Variants in PLCL2 observed in about 807,000 individuals in gnomAD.
PLCL2 encodes inactive phospholipase C-like protein 2.
PLCL2 carries 4 observed loss-of-function variants against 79.6 expected under a neutral mutation model. That is an observed-to-expected ratio of 0.05 (90% CI 0.02 to 0.11). PLCL2 has a LOEUF of 0.11. Among genes scored for constraint, PLCL2 ranks in the 10% least tolerant of loss-of-function variants. The pLI, the probability that PLCL2 is intolerant of heterozygous loss-of-function variation, is 1.00. For synonymous variants in PLCL2, 484 were observed against 457.7 expected (o/e 1.06, Z -0.73); for missense variants, 895 against 1,291.0 (o/e 0.69, Z 4.70).
chr3:17,057,139 A>T (rs950666994), intron 4 of PLCL2, among the ~76,000 whole-genome samples: 2 of 152,156 alleles, frequency 1.3e-5, no homozygotes, highest in African/African-American at 4.8e-5. Context: ...ACATTTACTA[A>T]AGCCTAATTC....
chr3:16,885,014 T>G lies in PLCL2; in HGVS notation c.-26T>G. 2 of 292,504 alleles carry G rather than the reference T, an allele frequency of 6.8e-6. No individual in the cohort carries two copies. Among genetic ancestry groups the G allele is most frequent in the Non-Finnish European group, 6.3e-6 (1 of 159,630 alleles). 18.1% of individuals were successfully genotyped at this position (292,504 alleles called of 1,614,324 possible). Reference sequence around the variant, plus strand: ...GACGCGGGGACGCGAGGACGCGGCTTTGTGCAGGCGGGTCGCGGGGCGCCC... The same window carrying G: ...GACGCGGGGACGCGAGGACGCGGCTGTGTGCAGGCGGGTCGCGGGGCGCCC... On this transcript the variant is annotated 5_prime_UTR_variant, in exon 1 of 6. Coordinates refer to ENST00000615277, the MANE Select transcript of PLCL2 (RefSeq NM_001144382.2).
intron 3 of PLCL2, among the ~76,000 whole-genome samples, chr3:17,019,425 A>T (rs1430185144): frequency 6.6e-6 from 1 of 152,232 alleles, no homozygotes; most frequent in East Asian, 1.9e-4. Context: ...GTAGCACAAC[A>T]AATTAATGGC....
intron 1 of PLCL2, among the ~76,000 whole-genome samples, chr3:16,990,416 C>T (rs1227817318): frequency 2.0e-5 from 3 of 152,122 alleles, no homozygotes; most frequent in Admixed American, 6.5e-5. Flanking sequence ...AGAGGCCCTG[C>T]GGAAGCATTA....
chr3:16,971,957 A>G (rs969612663), intron 1 of PLCL2, among the ~76,000 whole-genome samples: 34 of 152,142 alleles, frequency 2.2e-4, no homozygotes, highest in Non-Finnish European at 3.8e-4. Flanking sequence ...GATGCAGAAA[A>G]GGCCTTTGAC....
At chr3:16,965,159 C>T (rs978830203) in intron 1 of PLCL2, among the ~76,000 whole-genome samples, 2 of 152,176 alleles carry the variant, frequency 1.3e-5, no homozygotes, top group African/African-American at 4.8e-5. Context: ...TTTGGTCTAA[C>T]ATTTAAGTCT....
intron 1 of PLCL2, among the ~76,000 whole-genome samples, chr3:16,998,968 G>A (rs1300675356): frequency 6.6e-6 from 1 of 152,172 alleles, no homozygotes; most frequent in Non-Finnish European, 1.5e-5. Context: ...AGTGTGAAAT[G>A]GAATCATCTG....
intron 1 of PLCL2, among the ~76,000 whole-genome samples, chr3:17,006,716 A>G (rs1206213982): frequency 1.3e-5 from 2 of 152,184 alleles, no homozygotes; most frequent in African/African-American, 4.8e-5. Flanking sequence ...TGTGTCTGCA[A>G]TTGATAACCA....
chr3:17,062,322 A>T (rs771076000), intron 4 of PLCL2, among the ~76,000 whole-genome samples: 1 of 152,248 alleles, frequency 6.6e-6, no homozygotes, highest in Non-Finnish European at 1.5e-5. Flanking sequence ...AACACACTGT[A>T]TATTCTGACT....
At chr3:16,979,927 A>C (rs1323428172) in intron 1 of PLCL2, among the ~76,000 whole-genome samples, 2 of 145,156 alleles carry the variant, frequency 1.4e-5, no homozygotes, top group Admixed American at 1.4e-4. Flanking sequence ...GGCAGAGGCG[A>C]CCCTCACCTC....
intron 1 of PLCL2, among the ~76,000 whole-genome samples, chr3:16,927,434 TGTTA>T (rs771748461): frequency 3.5e-4 from 54 of 152,212 alleles, no homozygotes; most frequent in Non-Finnish European, 7.2e-4. Context: ...AAACCTTTTT[TGTTA>T]GTTTAAAAGG....
At chr3:16,961,459 T>A (rs1464663976) in intron 1 of PLCL2, among the ~76,000 whole-genome samples, 2 of 152,194 alleles carry the variant, frequency 1.3e-5, no homozygotes, top group African/African-American at 4.8e-5. Flanking sequence ...GGAAACTTTA[T>A]CTGAATGTTT....
intron 3 of PLCL2, among the ~76,000 whole-genome samples, chr3:17,041,066 A>T (rs1218482310): frequency 6.6e-6 from 1 of 152,140 alleles, no homozygotes; most frequent in Non-Finnish European, 1.5e-5. Flanking sequence ...AAGCTGAAAA[A>T]GGTTACTGAT....
At chr3:17,031,775 G>A (rs1396721084) in intron 3 of PLCL2, among the ~76,000 whole-genome samples, 1 of 152,110 alleles carries the variant, frequency 6.6e-6, no homozygotes, top group African/African-American at 2.4e-5. Context: ...TCATTTAAAT[G>A]CATGTGCATG....
At chr3:16,998,162 C>A (rs1340980956) in intron 1 of PLCL2, among the ~76,000 whole-genome samples, 1 of 151,018 alleles carries the variant, frequency 6.6e-6, no homozygotes, top group Non-Finnish European at 1.5e-5. Context: ...CAACCCCAAG[C>A]AGTGCCAGAG....
At chr3:17,039,039 T>C (rs889698673) in intron 3 of PLCL2, among the ~76,000 whole-genome samples, 3 of 152,224 alleles carry the variant, frequency 2.0e-5, no homozygotes, top group Admixed American at 2.0e-4. Context: ...TCATAATTAC[T>C]CACCTCACAT....
chr3:16,993,158 C>T (rs1231097723), intron 1 of PLCL2, among the ~76,000 whole-genome samples: 2 of 152,220 alleles, frequency 1.3e-5, no homozygotes, highest in Non-Finnish European at 2.9e-5. Context: ...TAGAACTTAA[C>T]ACATTATTAA....
chr3:16,963,184 A>G (rs1204639424), intron 1 of PLCL2, among the ~76,000 whole-genome samples: 1 of 152,108 alleles, frequency 6.6e-6, no homozygotes, highest in East Asian at 1.9e-4. Flanking sequence ...TTTAGTGCTA[A>G]TGAAAGGGTA....
At chr3:16,889,112 G>A (rs1241506336) in intron 1 of PLCL2, among the ~76,000 whole-genome samples, 1 of 152,022 alleles carries the variant, frequency 6.6e-6, no homozygotes, top group African/African-American at 2.4e-5. Flanking sequence ...AAGTAATAAC[G>A]GTAGCCAACA....
At chr3:16,953,845 A>G (rs2063675293) in intron 1 of PLCL2, among the ~76,000 whole-genome samples, 1 of 152,000 alleles carries the variant, frequency 6.6e-6, no homozygotes, top group South Asian at 2.1e-4. Flanking sequence ...GTTTTAAGAG[A>G]ATTTGTTATT....
Sources: gnomAD v4.1 joint callset for allele counts (sites outside exome capture counted in the v4.1 genomes callset) on GRCh38, gnomAD v4.1.1 for gene constraint, MANE v1.5 for transcripts, NCBI Gene and HGNC (gene_info 2026-07-23, HGNC 2026-07-21) for gene names.